Variants in ADGRL2 observed in about 807,000 individuals in gnomAD.
The protein encoded by ADGRL2 is adhesion G protein-coupled receptor L2, also known as calcium-independent alpha-latrotoxin receptor 2.
Under a neutral mutation model 157.4 loss-of-function variants are expected in ADGRL2, and 44 were observed. The observed-to-expected ratio is 0.28, with a 90% CI of 0.22 to 0.36. The LOEUF (loss-of-function observed/expected upper bound fraction) is 0.36, where lower values mean the gene tolerates loss of function less well. Ranked by LOEUF, ADGRL2 falls within the 10% of genes least tolerant of loss-of-function variation. The pLI is 1.00. For synonymous variants in ADGRL2, 585 were observed against 624.7 expected, an observed-to-expected ratio of 0.94 and a Z score of 0.95; for missense variants, 1,510 against 1,768.9, an observed-to-expected ratio of 0.85 and a Z score of 2.63.
intron 2 of ADGRL2, among the ~76,000 whole-genome samples, chr1:81,782,534 G>A (rs1477222049): frequency 6.6e-6 from 1 of 152,070 alleles, no homozygotes; most frequent in Admixed American, 6.6e-5. Context: ...CCTATTCTCT[G>A]TCTCTTCAAA....
At chr1:81,487,362 A>C (rs2078530504) in intron 2 of ADGRL2, among the ~76,000 whole-genome samples, 1 of 151,908 alleles carries the variant, frequency 6.6e-6, no homozygotes, top group African/African-American at 2.4e-5. Flanking sequence ...GATATATTGA[A>C]GGCCAGGTGT....
At chr1:81,733,169 A>G (rs1375271990) in intron 1 of ADGRL2, among the ~76,000 whole-genome samples, 1 of 152,214 alleles carries the variant, frequency 6.6e-6, no homozygotes, top group African/African-American at 2.4e-5. Context: ...GGTCACTGCA[A>G]CCAAGGGTTC....
intron 2 of ADGRL2, among the ~76,000 whole-genome samples, chr1:81,541,827 G>A (rs1178648544): frequency 2.6e-5 from 4 of 151,280 alleles, no homozygotes; most frequent in African/African-American, 9.7e-5. Flanking sequence ...GCGTGGTGGC[G>A]CATGCCTGTA....
rs1236254094 is a variant in ADGRL2 at position 81,462,507 on chromosome 1, C to A, written c.-248+17418C>A. ...CACATCAGGGAGGGAGGGAGGGAGA[C>A]AAGCAGACTTGATAAGAAATGGCAG... is the stretch of plus-strand genomic sequence containing the variant. On this transcript the variant is annotated intron_variant, in intron 2 of 24. Coordinates refer to the ADGRL2 transcript ENST00000370721. 2.0e-5 allele frequency among the ~76,000 whole-genome samples: 3 copies of A among 152,046 alleles called. No homozygotes were observed. In the South Asian group the frequency reaches 6.2e-4, roughly 32 times the overall value.
chr1:81,395,940 C>T (rs935662865), intron 1 of ADGRL2, among the ~76,000 whole-genome samples: 2 of 152,094 alleles, frequency 1.3e-5, no homozygotes, highest in African/African-American at 4.8e-5. Flanking sequence ...TTTAGCTTTG[C>T]AGTATATTTT....
intron 2 of ADGRL2, among the ~76,000 whole-genome samples, chr1:81,541,787 T>TAA (rs60783998): frequency 4.9e-4 from 66 of 134,088 alleles, no homozygotes; most frequent in South Asian, 1.4e-3. Context: ...CCGTCTCTAC[T>TAA]AAAAAAAAAA....
chr1:81,839,267 G>C (rs1041611338), intron 2 of ADGRL2, among the ~76,000 whole-genome samples: 2 of 151,988 alleles, frequency 1.3e-5, no homozygotes, highest in Admixed American at 6.6e-5. Flanking sequence ...AAGTTTTCCT[G>C]AGTGATTTCT....
chr1:81,634,510 T>G (rs1207181954), intron 3 of ADGRL2, among the ~76,000 whole-genome samples: 1 of 87,834 alleles, frequency 1.1e-5, no homozygotes, highest in Non-Finnish European at 2.7e-5. Context: ...GTTAGCTATC[T>G]TGTTTTTTTT....
chr1:81,857,933 T>A (rs760810670), intron 2 of ADGRL2, among the ~76,000 whole-genome samples: 17 of 152,144 alleles, frequency 1.1e-4, no homozygotes, highest in Non-Finnish European at 1.8e-4. Flanking sequence ...ACCAAATCTT[T>A]CCTTTTTGTT....
rs186256035 is a variant in ADGRL2, at chr1:81,583,481, T to G, written c.-143+2501T>G. On this transcript the variant is annotated intron_variant, in intron 3 of 24. Transcript: ENST00000370721. ...AGGTTCACTCTTTGAGATGAGTATA[T>G]GAATAAAATAACTTGAAGAAAAACC... is the stretch of plus-strand genomic sequence containing the variant. Among the ~76,000 whole-genome samples, 10 of 152,248 alleles carry G rather than the reference T, an allele frequency of 6.6e-5. No individual in the cohort carries two copies. In the East Asian group the frequency reaches 1.9e-3, roughly 29 times the overall value.
chr1:81,402,457 G>A (rs2076774029), intron 1 of ADGRL2, among the ~76,000 whole-genome samples: 1 of 151,946 alleles, frequency 6.6e-6, no homozygotes, highest in African/African-American at 2.4e-5. Flanking sequence ...CCATATAAAG[G>A]TGATGCTACT....
At chr1:81,929,915 A>G (rs181558788) in intron 3 of ADGRL2, among the ~76,000 whole-genome samples, 177 of 152,290 alleles carry the variant, frequency 1.2e-3, no homozygotes, top group African/African-American at 4.0e-3. Context: ...AACCTTAACA[A>G]ACTTCTAAAG....
At chr1:81,390,831 A>G (rs1296937454) in intron 1 of ADGRL2, among the ~76,000 whole-genome samples, 3 of 152,424 alleles carry the variant, frequency 2.0e-5, no homozygotes, top group South Asian at 2.1e-4. Flanking sequence ...CTGTGGATGG[A>G]CATTCATTAT....
At chr1:81,641,488 A>G (rs2082217946) in intron 3 of ADGRL2, among the ~76,000 whole-genome samples, 1 of 152,232 alleles carries the variant, frequency 6.6e-6, no homozygotes, top group Admixed American at 6.5e-5. Flanking sequence ...ATCTTAGACC[A>G]AAAGGGAATT....
intron 1 of ADGRL2, among the ~76,000 whole-genome samples, chr1:81,309,778 T>G (rs1399007936): frequency 6.6e-6 from 1 of 152,148 alleles, no homozygotes; most frequent in African/African-American, 2.4e-5. Flanking sequence ...ACTGACAGCC[T>G]TTGAAGAGCC....
chr1:81,351,965 C>G (rs1430290748), intron 1 of ADGRL2, among the ~76,000 whole-genome samples: 1 of 152,216 alleles, frequency 6.6e-6, no homozygotes, highest in African/African-American at 2.4e-5. Context: ...AGCCAAAACA[C>G]AAAAGCCAGA....
At chr1:81,354,039 C>A (rs897769163) in intron 1 of ADGRL2, among the ~76,000 whole-genome samples, 3 of 152,088 alleles carry the variant, frequency 2.0e-5, no homozygotes, top group African/African-American at 7.2e-5. Flanking sequence ...GTAACAGCAC[C>A]AAAGAACTCT....
intron 1 of ADGRL2, among the ~76,000 whole-genome samples, chr1:81,347,358 G>A (rs1418375942): frequency 6.6e-6 from 1 of 151,998 alleles, no homozygotes; most frequent in Non-Finnish European, 1.5e-5. Context: ...CCTAGATCAT[G>A]CCATTGCACT....
intron 10 of ADGRL2, among the ~76,000 whole-genome samples, chr1:81,954,005 A>G (rs991336826): frequency 1.3e-5 from 2 of 152,156 alleles, no homozygotes; most frequent in Non-Finnish European, 2.9e-5. Flanking sequence ...ACTTTACAAG[A>G]AAAGGTAGTA....
Sources: gnomAD v4.1 joint callset for allele counts (sites outside exome capture counted in the v4.1 genomes callset) on GRCh38, gnomAD v4.1.1 for gene constraint, MANE v1.5 for transcripts, NCBI Gene and HGNC (gene_info 2026-07-23, HGNC 2026-07-21) for gene names.